The following HMCN1 variants were observed in gnomAD, a reference collection of about 807,000 sequenced individuals.
The protein encoded by HMCN1 is hemicentin 1, also known as hemicentin-1.
In HMCN1, 321 loss-of-function variants were observed where a neutral mutation model predicts 625.9. The ratio of observed to expected loss-of-function variants is 0.51; its 90% confidence interval spans 0.47 to 0.56. HMCN1 has a LOEUF of 0.56. Among genes scored for constraint, HMCN1 ranks in the 20% least tolerant of loss-of-function variants. The pLI, the probability that HMCN1 is intolerant of heterozygous loss-of-function variation, is 0.00. For missense variants in HMCN1, 6,588 were observed against 6,887.3 expected (o/e 0.96, Z 1.54); for synonymous variants, 2,425 against 2,417.6 (o/e 1.00, Z -0.09).
chr1:186,137,558 G>A lies in HMCN1; in HGVS notation c.13643G>A (p.Gly4548Asp), dbSNP rs2102535688. 4 of 1,613,826 alleles carry A rather than the reference G, an allele frequency of 2.5e-6. No individual in the cohort carries two copies. Among genetic ancestry groups the A allele is most frequent in the Non-Finnish European group, 2.5e-6 (3 of 1,179,902 alleles). Residue 4548 changes from glycine (G) to aspartate (D), a missense_variant, in exon 88 of 107, where the codon GGC becomes GAC. Coordinates refer to ENST00000271588, the MANE Select transcript of HMCN1 (RefSeq NM_031935.3). ...WRACSVTCGKGIQKRSRLCNQ... is the reference protein window; with the variant it reads ...WRACSVTCGKDIQKRSRLCNQ... ...GCCTGCAGTGTCACCTGTGGAAAAGGCATCCAAAAGAGGAGTCGTCTGTGC... is the reference window on the plus strand; with the variant it reads ...GCCTGCAGTGTCACCTGTGGAAAAGACATCCAAAAGAGGAGTCGTCTGTGC...
chr1:185,893,031 G>C (rs972459873), intron 4 of HMCN1, among the ~76,000 whole-genome samples: 8 of 152,182 alleles, frequency 5.3e-5, no homozygotes, highest in African/African-American at 1.9e-4. Context: ...TTTTTAAGCA[G>C]GTCGGAAAAG....
intron 2 of HMCN1, among the ~76,000 whole-genome samples, chr1:185,854,497 G>A (rs1571450740): frequency 6.6e-6 from 1 of 152,174 alleles, no homozygotes. Context: ...AGCAATGTCT[G>A]GGGAGCTTCT....
At chr1:185,816,918 C>T (rs1571395758) in intron 1 of HMCN1, among the ~76,000 whole-genome samples, 1 of 152,182 alleles carries the variant, frequency 6.6e-6, no homozygotes. Flanking sequence ...ATTGCTTAGG[C>T]CTCTCTCCAT....
intron 1 of HMCN1, among the ~76,000 whole-genome samples, chr1:185,737,080 GT>G (rs1653627770): frequency 6.6e-6 from 1 of 151,634 alleles, no homozygotes; most frequent in Non-Finnish European, 1.5e-5. Flanking sequence ...CTTTATTTGT[GT>G]GATATTTTTC....
At chr1:185,770,405 A>G (rs77060002) in intron 1 of HMCN1, among the ~76,000 whole-genome samples, 3,459 of 152,328 alleles carry the variant, frequency 0.023, 124 homozygotes, top group African/African-American at 0.074. Flanking sequence ...TGCTGTATAA[A>G]TGTTTTTTAA....
intron 21 of HMCN1, 58 bp from the exon 22 acceptor site, chr1:185,990,217 T>A: frequency 1.6e-5 from 23 of 1,459,556 alleles, no homozygotes; most frequent in Non-Finnish European, 2.2e-5. Context: ...TAGTGTAAAT[T>A]AAACTGTGCT....
chr1:185,892,028 C>G (rs549234551), intron 4 of HMCN1, among the ~76,000 whole-genome samples: 1 of 151,430 alleles, frequency 6.6e-6, no homozygotes, highest in Non-Finnish European at 1.5e-5. Flanking sequence ...TCTTTTTTCT[C>G]TAAACTTTCC....
intron 63 of HMCN1, among the ~76,000 whole-genome samples, chr1:186,090,047 G>A (rs1470608065): frequency 6.6e-6 from 1 of 151,820 alleles, no homozygotes; most frequent in African/African-American, 2.4e-5. Flanking sequence ...ACATGGAGTG[G>A]GGAAAACATG....
intron 97 of HMCN1, among the ~76,000 whole-genome samples, chr1:186,158,751 T>C (rs923873996): frequency 1.1e-4 from 17 of 152,230 alleles, no homozygotes; most frequent in Non-Finnish European, 1.8e-4. Context: ...GTTGTAGATA[T>C]GTGGCATTAT....
At chr1:185,903,242 A>T (rs1050893020) in intron 4 of HMCN1, among the ~76,000 whole-genome samples, 4 of 151,712 alleles carry the variant, frequency 2.6e-5, no homozygotes, top group Admixed American at 1.3e-4. Flanking sequence ...GCTGTTGTGT[A>T]TTATAAAACT....
rs1664316523 is a variant in HMCN1, at chr1:185,881,617, AT to A, written c.621+15759del. Among the ~76,000 whole-genome samples, 4 of 151,978 alleles carry A rather than the reference AT, an allele frequency of 2.6e-5. No homozygotes were observed. In the South Asian group the frequency reaches 8.3e-4, roughly 31 times the overall value. On this transcript the variant is annotated intron_variant, in intron 4 of 106. Transcript: ENST00000271588. ...GTGGTTTCAGGCTTTTTGGCTTGGGATTTTTGCTGGGGACCTACCCTTTTCT... is the reference window on the plus strand; with the variant it reads ...GTGGTTTCAGGCTTTTTGGCTTGGGATTTTGCTGGGGACCTACCCTTTTCT...
chr1:185,839,366 T>C (rs915731749), intron 1 of HMCN1, among the ~76,000 whole-genome samples: 7 of 152,196 alleles, frequency 4.6e-5, no homozygotes, highest in Non-Finnish European at 1.0e-4. Flanking sequence ...TTGAAGATGG[T>C]ATTTATTTTC....
chr1:186,028,933 C>A (rs761775123), intron 36 of HMCN1, among the ~76,000 whole-genome samples: 1 of 151,668 alleles, frequency 6.6e-6, no homozygotes, highest in African/African-American at 2.4e-5. Flanking sequence ...CACTATGTTG[C>A]CCAGGCTGAT....
intron 56 of HMCN1, among the ~76,000 whole-genome samples, 156 bp from the exon 57 acceptor site, chr1:186,082,709 C>T (rs188245559): frequency 2.0e-5 from 3 of 151,936 alleles, no homozygotes; most frequent in Admixed American, 1.3e-4. Flanking sequence ...ATTTGATTTA[C>T]CTAATAAAAG....
Position 186,039,822 on chromosome 1 carries a change from A to G in HMCN1, c.6123A>G (p.Pro2041=). The G allele has an allele frequency of 6.2e-7, 1 of 1,613,502 alleles. No homozygotes were observed. The highest frequency in any genetic ancestry group is 8.5e-7 in the Non-Finnish European group (1 of 1,179,602). Residue 2041 remains proline (P), a synonymous_variant, in exon 39 of 107, where the codon CCA becomes CCG. Coordinates refer to ENST00000271588, the MANE Select transcript of HMCN1 (RefSeq NM_031935.3). ...LECEARGIPA[P]SLTWLKDGSP... ...GTGAAGCCAGAGGTATTCCTGCCCC[A>G]AGTCTGACCTGGTTGAAAGATGGGA...
At chr1:185,938,954 TTG>T (rs1335568628) in intron 11 of HMCN1, among the ~76,000 whole-genome samples, 3 of 152,132 alleles carry the variant, frequency 2.0e-5, no homozygotes, top group African/African-American at 7.2e-5. Context: ...TCTAGTTAAG[TTG>T]TCTTTCCTAT....
At chr1:185,778,441 C>T (rs191855455) in intron 1 of HMCN1, among the ~76,000 whole-genome samples, 1 of 151,336 alleles carries the variant, frequency 6.6e-6, no homozygotes, top group Admixed American at 6.6e-5. Context: ...TGGTGTGCTG[C>T]ACCCATTAAC....
In HMCN1 at chr1:186,177,875, T is replaced by A. The variant is rs543010670; in HGVS notation, c.15944-541T>A. 2.6e-5 allele frequency among the ~76,000 whole-genome samples: 4 copies of A among 152,012 alleles called. No individual in the cohort carries two copies. The East Asian group carries it at 7.7e-4, about 29-fold the overall frequency. On this transcript the variant is annotated intron_variant, in intron 103 of 106. Transcript: ENST00000271588. ...ATTATATTCATTTGTGATTCCACACTCTCTTGTACCTTTTTTTTTTCCAGA... is the reference window on the plus strand; with the variant it reads ...ATTATATTCATTTGTGATTCCACACACTCTTGTACCTTTTTTTTTTCCAGA...
chr1:185,806,606 A>AT lies in HMCN1; in HGVS notation c.269-39413dup, dbSNP rs1461903411. 2.0e-5 allele frequency among the ~76,000 whole-genome samples: 3 copies of AT among 147,740 alleles called. No homozygotes were observed. In the South Asian group the frequency reaches 6.4e-4, roughly 32 times the overall value. The stretch of plus-strand genomic sequence containing the variant: ...CTTAAAACTCAGCAAATTATCTTTG[A>AT]TTTTTTTCTTTGTTATCTTTGATTT... On this transcript the variant is annotated intron_variant, in intron 1 of 106. Transcript: ENST00000271588.
Sources: gnomAD v4.1 joint callset for allele counts (sites outside exome capture counted in the v4.1 genomes callset) on GRCh38, gnomAD v4.1.1 for gene constraint, MANE v1.5 for transcripts, NCBI Gene and HGNC (gene_info 2026-07-23, HGNC 2026-07-21) for gene names.